PTGR3: variants seen among roughly 807,000 people sequenced by gnomAD.
PTGR3 encodes the protein zinc binding alcohol dehydrogenase domain containing 2.
chr18:75,196,582 T>C, the PTGR3 span: 4 of 138,424 alleles, frequency 2.9e-5, no homozygotes, highest in African/African-American at 1.1e-4. Context: ...CAATCAACCA[T>C]GATTGCACCA....
At chr18:75,201,263 GAGGAGGAGA>G in the PTGR3 span, 2 of 632,850 alleles carry the variant, frequency 3.2e-6, no homozygotes, top group Non-Finnish European at 5.2e-6. Context: ...AGAGGAGGAG[GAGGAGGAGA>G]AGGAGAGACC....
the PTGR3 span, chr18:75,208,407 G>A: frequency 1.2e-5 from 12 of 988,994 alleles, no homozygotes; most frequent in South Asian, 3.3e-4. Context: ...TCCTTCCTCC[G>A]AAGCACGTTT....
the PTGR3 span, chr18:75,197,186 A>T: frequency 6.6e-6 from 1 of 152,256 alleles, no homozygotes; most frequent in Non-Finnish European, 1.5e-5. Flanking sequence ...AAATGAAAAA[A>T]ATAGAGTAAG....
chr18:75,201,213 G>A, the PTGR3 span: 4 of 563,122 alleles, frequency 7.1e-6, no homozygotes, highest in East Asian at 1.1e-4. Flanking sequence ...AGCCATGGAG[G>A]GAAGTTTTAT....
the PTGR3 span, chr18:75,201,424 T>A: frequency 1.2e-6 from 2 of 1,607,516 alleles, no homozygotes; most frequent in African/African-American, 2.7e-5. Context: ...TTTTACAGCT[T>A]ACTGTTGACA....
At chr18:75,201,862 C>G in the PTGR3 span, 36 of 1,614,072 alleles carry the variant, frequency 2.2e-5, no homozygotes, top group Middle Eastern at 1.6e-4. Flanking sequence ...AGGACGGTAC[C>G]TACGGGTTCA....
the PTGR3 span, chr18:75,197,762 A>G: frequency 3.3e-5 from 5 of 152,396 alleles, no homozygotes; most frequent in Middle Eastern, 6.8e-3. Context: ...TAACCAAGTA[A>G]TAAAATATTT....
chr18:75,201,218 T>A, the PTGR3 span: 1 of 566,570 alleles, frequency 1.8e-6, no homozygotes. Flanking sequence ...TGGAGGGAAG[T>A]TTTATTAGCA....
At chr18:75,196,397 G>C in the PTGR3 span, 4 of 152,084 alleles carry the variant, frequency 2.6e-5, no homozygotes, top group Admixed American at 1.3e-4. Context: ...GGAGGCCGAG[G>C]TGGGAGGATT....
chr18:75,208,762 G>T, the PTGR3 span: 1 of 1,201,764 alleles, frequency 8.3e-7, no homozygotes, highest in Non-Finnish European at 1.1e-6. Context: ...GTGGGCACGC[G>T]GGCGGGCTGG....
the PTGR3 span, among the ~76,000 whole-genome samples, chr18:75,207,868 C>T: frequency 6.6e-6 from 1 of 152,180 alleles, no homozygotes; most frequent in African/African-American, 2.4e-5. Context: ...GAACTTACTC[C>T]TCCCTTTCGA....
the PTGR3 span, chr18:75,196,915 A>C: frequency 6.7e-5 from 9 of 133,598 alleles, no homozygotes; most frequent in African/African-American, 2.5e-4. Flanking sequence ...GGAAACAATT[A>C]AACAGGATTC....
chr18:75,201,036 A>C, the PTGR3 span: 1 of 181,944 alleles, frequency 5.5e-6, no homozygotes, highest in Non-Finnish European at 1.2e-5. Context: ...TCCCAAAGCA[A>C]AGAAGTCGGG....
the PTGR3 span, among the ~76,000 whole-genome samples, chr18:75,207,947 G>A: frequency 6.6e-6 from 1 of 152,194 alleles, no homozygotes; most frequent in African/African-American, 2.4e-5. Flanking sequence ...CCTCTGCAGA[G>A]GGCATAGAGG....
chr18:75,199,671 T>G, the PTGR3 span: 1 of 152,612 alleles, frequency 6.6e-6, no homozygotes. Flanking sequence ...CCTAGTCCCC[T>G]GCACCAGTAA....
the PTGR3 span, chr18:75,200,683 C>T: frequency 6.6e-6 from 1 of 152,090 alleles, no homozygotes; most frequent in South Asian, 2.1e-4. Context: ...TCTGTGGTTT[C>T]CCTTTCCAAA....
At chr18:75,205,279 G>C in the PTGR3 span, 1 of 985,716 alleles carries the variant, frequency 1.0e-6, no homozygotes, top group Non-Finnish European at 1.2e-6. Context: ...GCGGGGCTCG[G>C]GATGGGGAGC....
the PTGR3 span, chr18:75,198,732 T>C: frequency 0.35 from 52,837 of 152,094 alleles, 10,941 homozygotes; most frequent in Non-Finnish European, 0.43. Context: ...GCTGGTGACC[T>C]TAAGCCCGAC....
chr18:75,201,907 A>C, the PTGR3 span: 2 of 1,614,176 alleles, frequency 1.2e-6, no homozygotes, highest in Non-Finnish European at 1.7e-6. Context: ...CAGCCAAGAG[A>C]TTTCAGAAAA....
Sources: allele counts gnomAD v4.1 joint callset (sites outside exome capture counted in the v4.1 genomes callset), GRCh38; gene constraint gnomAD v4.1.1; transcripts MANE v1.5; gene names NCBI Gene and HGNC (gene_info 2026-07-23, HGNC 2026-07-21).